The following SLC16A7 variants were observed in gnomAD, a reference collection of about 807,000 sequenced individuals.
SLC16A7 encodes the protein solute carrier family 16 member 7.
In SLC16A7, 33 loss-of-function variants were observed where a neutral mutation model predicts 34.9. The observed-to-expected ratio is 0.94, with a 90% CI of 0.72 to 1.26. The LOEUF (loss-of-function observed/expected upper bound fraction) is 1.26. SLC16A7 is among the 50% of genes most tolerant of loss of function. The probability of loss-of-function intolerance (pLI) is 0.00; values close to 1 mark genes in which losing one functional copy is unlikely to be tolerated. For missense variants in SLC16A7, 573 were observed against 578.1 expected, an observed-to-expected ratio of 0.99 and a Z score of 0.09; for synonymous variants, 201 against 206.6, an observed-to-expected ratio of 0.97 and a Z score of 0.23.
At chr12:59,597,133 C>T (rs944911067) in intron 1 of SLC16A7, 3 of 152,110 alleles carry the variant, frequency 2.0e-5, no homozygotes, top group South Asian at 2.1e-4. Flanking sequence ...TGCAGACTGC[C>T]TTGGAAAGGG....
intron 1 of SLC16A7, among the ~76,000 whole-genome samples, chr12:59,630,094 C>T (rs77516990): frequency 0.018 from 2,695 of 151,862 alleles, 76 homozygotes; most frequent in African/African-American, 0.063. Flanking sequence ...GTGGTAATTG[C>T]GATACACCCT....
chr12:59,759,980 A>T lies in SLC16A7; in HGVS notation c.218-11239A>T, dbSNP rs542533594. 2.6e-5 allele frequency among the ~76,000 whole-genome samples: 4 copies of T among 152,158 alleles called. No individual in the cohort carries two copies. The South Asian group carries it at 8.3e-4, about 32-fold the overall frequency. On this transcript the variant is annotated intron_variant, in intron 3 of 5. Transcript: ENST00000547379. Reference sequence around the variant, plus strand: ...GATCTTCATGGCCATAGAGAAAATAAATATGTTTCTTGTGAACACCCTGGA... The same window carrying T: ...GATCTTCATGGCCATAGAGAAAATATATATGTTTCTTGTGAACACCCTGGA...
intron 3 of SLC16A7, among the ~76,000 whole-genome samples, chr12:59,752,010 C>T (rs1879644811): frequency 6.6e-6 from 1 of 152,172 alleles, no homozygotes; most frequent in South Asian, 2.1e-4. Flanking sequence ...CTGGAGTGGA[C>T]CTCTAGCAAA....
chr12:59,639,709 A>C (rs193218218), intron 1 of SLC16A7, among the ~76,000 whole-genome samples: 2 of 152,306 alleles, frequency 1.3e-5, no homozygotes, highest in East Asian at 3.9e-4. Flanking sequence ...CTACACATGC[A>C]CACAACCCTT....
intron 3 of SLC16A7, among the ~76,000 whole-genome samples, chr12:59,713,555 A>C (rs1192383980): frequency 6.6e-6 from 1 of 152,234 alleles, no homozygotes; most frequent in Non-Finnish European, 1.5e-5. Flanking sequence ...AATAGTAGTG[A>C]CTTTGGCAGA....
chr12:59,672,748 A>C (rs1236172547), intron 2 of SLC16A7, among the ~76,000 whole-genome samples: 1 of 152,170 alleles, frequency 6.6e-6, no homozygotes, highest in African/African-American at 2.4e-5. Context: ...CTAAGGGTGG[A>C]TAGCAAATAA....
chr12:59,675,832 C>T (rs1181428901), intron 2 of SLC16A7, among the ~76,000 whole-genome samples: 1 of 152,132 alleles, frequency 6.6e-6, no homozygotes, highest in Non-Finnish European at 1.5e-5. Context: ...AGCACTTCCA[C>T]TTTCCACATC....
Position 59,774,861 on chromosome 12 carries a change from G to A in SLC16A7, c.566G>A (p.Cys189Tyr), listed in dbSNP as rs2137456648. Residue 189 changes from cysteine to tyrosine, a missense_variant, in exon 5 of 6, where the codon TGT becomes TAT. Coordinates refer to ENST00000547379, the MANE Select transcript of SLC16A7 (RefSeq NM_001270623.2). ...TTGGGAAGTCTACTTTTGAATGCCTGTGTGGCTGGTTCCCTCATGAGACCC... is the reference window on the plus strand; with the variant it reads ...TTGGGAAGTCTACTTTTGAATGCCTATGTGGCTGGTTCCCTCATGAGACCC... ...LILGSLLLNA[C>Y]VAGSLMRPLG... 2 of 1,613,950 alleles carry A rather than the reference G, an allele frequency of 1.2e-6. No individual in the cohort carries two copies. The highest frequency in any genetic ancestry group is 2.2e-5 in the East Asian group (1 of 44,862).
chr12:59,730,929 G>A (rs1876879382), intron 3 of SLC16A7, among the ~76,000 whole-genome samples: 1 of 151,952 alleles, frequency 6.6e-6, no homozygotes, highest in African/African-American at 2.4e-5. Context: ...TTGCACTACC[G>A]AGTCAATTGG....
intron 1 of SLC16A7, among the ~76,000 whole-genome samples, chr12:59,622,924 A>T (rs1375301681): frequency 6.6e-6 from 1 of 151,532 alleles, no homozygotes; most frequent in Non-Finnish European, 1.5e-5. Flanking sequence ...ATGGTGATCC[A>T]TCTGGTGTTC....
chr12:59,772,240 T>C (rs914713257), intron 4 of SLC16A7, among the ~76,000 whole-genome samples: 1 of 152,186 alleles, frequency 6.6e-6, no homozygotes, highest in Non-Finnish European at 1.5e-5. Flanking sequence ...AATAGTGATG[T>C]TAAAATCTTT....
In SLC16A7 at chr12:59,775,223, C is replaced by A; in HGVS notation, c.928C>A (p.Arg310=). Residue 310 remains arginine (R), a synonymous_variant, in exon 5 of 6, where the codon CGA becomes AGA. Coordinates refer to ENST00000547379, the MANE Select transcript of SLC16A7 (RefSeq NM_001270623.2). ...ATTAATTGCAAACTCCAAATATATT[C>A]GACCTCGAATTCAGTACTTCTTCAG... is the stretch of plus-strand genomic sequence containing the variant. ...VGLIANSKYI[R]PRIQYFFSFA... The A allele has an allele frequency of 6.2e-7, 1 of 1,614,072 alleles. No homozygotes were observed. Among genetic ancestry groups the A allele is most frequent in the Non-Finnish European group, 8.5e-7 (1 of 1,179,980 alleles).
intron 2 of SLC16A7, among the ~76,000 whole-genome samples, chr12:59,684,354 G>T (rs1870984743): frequency 6.6e-6 from 1 of 152,136 alleles, no homozygotes; most frequent in Non-Finnish European, 1.5e-5. Context: ...TTTTCCTCTA[G>T]GACAGAAAAG....
chr12:59,760,684 G>T (rs1880918077), intron 3 of SLC16A7, among the ~76,000 whole-genome samples: 1 of 151,990 alleles, frequency 6.6e-6, no homozygotes, highest in Non-Finnish European at 1.5e-5. Flanking sequence ...TAATGGGCAG[G>T]TAATCTATAC....
intron 1 of SLC16A7, among the ~76,000 whole-genome samples, chr12:59,602,452 T>C (rs2136956398): frequency 6.6e-6 from 1 of 151,190 alleles, no homozygotes; most frequent in South Asian, 2.1e-4. Flanking sequence ...TCAATATAAG[T>C]ATGTCTTCCC....
At chr12:59,776,753 TTCTC>T (rs1162083768) in intron 5 of SLC16A7, among the ~76,000 whole-genome samples, 1 of 152,168 alleles carries the variant, frequency 6.6e-6, no homozygotes, top group African/African-American at 2.4e-5. Flanking sequence ...GTTGTTGTCT[TTCTC>T]TGTCCACCAG....
At position 59,613,967 on chromosome 12, in the gene SLC16A7, G is replaced by C. The variant is rs368052599; in HGVS notation, c.-130+17731G>C. 6.4e-4 allele frequency among the ~76,000 whole-genome samples: 97 copies of C among 151,834 alleles called. 2 individuals are homozygous for C. The East Asian group carries it at 9.5e-3, about 15-fold the overall frequency. On this transcript the variant is annotated intron_variant, in intron 1 of 5. Transcript: ENST00000547379. ...CAGTAACACTGTTAAAACCCTTACC[G>C]AATGAAACAAATTTGATATACAAAT...
chr12:59,650,955 A>G (rs1461249561), intron 1 of SLC16A7, among the ~76,000 whole-genome samples: 2 of 152,144 alleles, frequency 1.3e-5, no homozygotes, highest in African/African-American at 4.8e-5. Flanking sequence ...AAATTTTGCT[A>G]TGGGGAGATG....
At chr12:59,725,409 C>T (rs1795883) in intron 3 of SLC16A7, among the ~76,000 whole-genome samples, 18,626 of 152,012 alleles carry the variant, frequency 0.12, 1,490 homozygotes, top group African/African-American at 0.22. Flanking sequence ...CTGCTTCCAA[C>T]TTCCAGGATT....
Sources: allele counts gnomAD v4.1 joint callset (sites outside exome capture counted in the v4.1 genomes callset), GRCh38; gene constraint gnomAD v4.1.1; transcripts MANE v1.5; gene names NCBI Gene and HGNC (gene_info 2026-07-23, HGNC 2026-07-21).